Variants in ABI3BP observed in about 807,000 individuals in gnomAD.
The protein encoded by ABI3BP is ABI family member 3 binding protein, also known as target of Nesh-SH3.
Under a neutral mutation model 268.6 loss-of-function variants are expected in ABI3BP, and 216 were observed. That is an observed-to-expected ratio of 0.80 (90% CI 0.72 to 0.90). ABI3BP has a LOEUF of 0.90. Ranked by LOEUF, ABI3BP falls within the 40% of genes least tolerant of loss-of-function variation. The probability of loss-of-function intolerance (pLI) is 0.00; values close to 1 mark genes in which losing one functional copy is unlikely to be tolerated. For missense variants in ABI3BP, 2,090 were observed against 2,182.4 expected (o/e 0.96, Z 0.84); for synonymous variants, 730 against 730.0 (o/e 1.00, Z 0.00).
At chr3:100,800,634 T>A (rs912984255) in intron 51 of ABI3BP, among the ~76,000 whole-genome samples, 3 of 152,082 alleles carry the variant, frequency 2.0e-5, no homozygotes, top group African/African-American at 7.2e-5. Context: ...TGTGCCACCA[T>A]GCCCGGCTAA....
At chr3:100,836,015 C>A (rs965911112) in intron 27 of ABI3BP, among the ~76,000 whole-genome samples, 1 of 151,966 alleles carries the variant, frequency 6.6e-6, no homozygotes, top group Admixed American at 6.6e-5. Flanking sequence ...AAGTTTTCAC[C>A]ACCATTATTA....
chr3:100,834,632 C>T, intron 29 of ABI3BP, 52 bp downstream of exon 29: 1 of 1,502,378 alleles, frequency 6.7e-7, no homozygotes. Context: ...CTGCCACCCC[C>T]ATGCCACATC....
intron 18 of ABI3BP, among the ~76,000 whole-genome samples, chr3:100,848,271 C>T (rs769943880): frequency 6.6e-6 from 1 of 152,068 alleles, no homozygotes; most frequent in African/African-American, 2.4e-5. Flanking sequence ...AATAAACATG[C>T]ACACCAAAAA....
chr3:100,779,516 CT>C (rs1192538902), intron 58 of ABI3BP, among the ~76,000 whole-genome samples: 1 of 152,022 alleles, frequency 6.6e-6, no homozygotes, highest in Admixed American at 6.6e-5. Context: ...CAATTTATAT[CT>C]TTTTTTGGCA....
Position 100,848,795 on chromosome 3 carries a change from A to G in ABI3BP, c.1576+6T>C, listed in dbSNP as rs1268909048. ...ACATATCATGTAAATATAAAGAGAC[A>G]TTTACCAGGTTTGGTTCTTGGCGGT... On this transcript the variant is annotated splice_donor_region_variant and intron_variant, in intron 18 of 67. Transcript: ENST00000471714. 1 of 1,608,840 alleles carries G rather than the reference A, an allele frequency of 6.2e-7. No homozygotes were observed. The highest frequency in any genetic ancestry group is 2.2e-5 in the East Asian group (1 of 44,824).
chr3:100,938,454 G>A (rs2067282709), intron 1 of ABI3BP, among the ~76,000 whole-genome samples: 1 of 151,980 alleles, frequency 6.6e-6, no homozygotes. Context: ...GTATTAAAAG[G>A]AAAAAACCAT....
chr3:100,973,336 A>G (rs2084611232), intron 1 of ABI3BP, among the ~76,000 whole-genome samples: 1 of 152,082 alleles, frequency 6.6e-6, no homozygotes, highest in East Asian at 1.9e-4. Context: ...CAGGAATCCA[A>G]CTCCATATTT....
At chr3:100,977,519 G>C (rs555749211) in intron 1 of ABI3BP, among the ~76,000 whole-genome samples, 1 of 152,296 alleles carries the variant, frequency 6.6e-6, no homozygotes, top group South Asian at 2.1e-4. Flanking sequence ...GCTGGATATA[G>C]GCACGAAATC....
intron 33 of ABI3BP, among the ~76,000 whole-genome samples, chr3:100,829,139 T>TAAA (rs201153906): frequency 5.5e-5 from 7 of 127,726 alleles, no homozygotes; most frequent in South Asian, 2.3e-4. Flanking sequence ...TAAGTGGTTG[T>TAAA]TAAAAAAAAA....
rs2041887775 is a variant in ABI3BP at position 100,886,125 on chromosome 3, C to T, written c.643+17G>A. Reference sequence around the variant, plus strand: ...AATTATAAAAGCTTACTGAAACAAACATTTCTAGGTACTTACTTCCAACAA... The same window carrying T: ...AATTATAAAAGCTTACTGAAACAAATATTTCTAGGTACTTACTTCCAACAA... On this transcript the variant is annotated intron_variant, in intron 5 of 67. Coordinates refer to ENST00000471714, the MANE Select transcript of ABI3BP (RefSeq NM_001375547.2). 5 of 1,532,416 alleles carry T rather than the reference C, an allele frequency of 3.3e-6. No homozygotes were observed. The highest frequency in any genetic ancestry group is 1.4e-5 in the African/African-American group (1 of 70,900). The allele number at this position is 1,532,416 out of a possible 1,614,324, so 94.9% of individuals were successfully genotyped here.
chr3:100,794,830 GA>G, intron 54 of ABI3BP, 92 bp downstream of exon 54: 9 of 909,910 alleles, frequency 9.9e-6, no homozygotes, highest in Non-Finnish European at 1.5e-5. Context: ...CTATTATTTA[GA>G]AAAAATCTGT....
intron 66 of ABI3BP, among the ~76,000 whole-genome samples, chr3:100,752,221 G>A (rs2095372209): frequency 6.6e-6 from 1 of 152,180 alleles, no homozygotes; most frequent in African/African-American, 2.4e-5. Flanking sequence ...TACTAAGGAA[G>A]GGAAGGAGAG....
At chr3:100,801,320 T>C (rs1418435147) in intron 51 of ABI3BP, among the ~76,000 whole-genome samples, 1 of 150,142 alleles carries the variant, frequency 6.7e-6, no homozygotes, top group Non-Finnish European at 1.5e-5. Flanking sequence ...CCCAGCTACT[T>C]GGGAGGCTGA....
Position 100,752,814 on chromosome 3 carries a change from T to C in ABI3BP, c.5095A>G (p.Lys1699Glu), listed in dbSNP as rs756119491. The C allele has an allele frequency of 6.2e-7, 1 of 1,613,282 alleles. No homozygotes were observed. Among genetic ancestry groups the C allele is most frequent in the African/African-American group, 1.3e-5 (1 of 74,922 alleles). Residue 1699 changes from lysine to glutamate, a missense_variant, in exon 66 of 68, where the codon AAG (lysine) becomes GAG (glutamate). Lys to Glu is a moderately conservative substitution (Grantham distance 56). Coordinates refer to ENST00000471714, the MANE Select transcript of ABI3BP (RefSeq NM_001375547.2). ...GTGAGGGAGTCGCTCAAGTAAATCT[T>C]GTATCTGAGAGAGTTGCACAGCTGC... ...GVQLCNSLRY[K>E]IYLSDSLTGK...
In ABI3BP at chr3:100,805,745, C is replaced by G. The variant is rs531473903; in HGVS notation, c.3683-879G>C. Among the ~76,000 whole-genome samples, 4 of 152,128 alleles carry G rather than the reference C, an allele frequency of 2.6e-5. No homozygotes were observed. In the East Asian group the frequency reaches 7.7e-4, roughly 29 times the overall value. ...CACTTGGGATCTCTATATCCCAGTT[C>G]TGCAGGTCAGATTTTAAGTTGCTTC... On this transcript the variant is annotated intron_variant, in intron 50 of 67. Coordinates refer to ENST00000471714, the MANE Select transcript of ABI3BP (RefSeq NM_001375547.2).
chr3:100,975,878 T>G (rs1441168943), intron 1 of ABI3BP, among the ~76,000 whole-genome samples: 1 of 152,088 alleles, frequency 6.6e-6, no homozygotes, highest in Non-Finnish European at 1.5e-5. Context: ...GAGGCACTAA[T>G]CAGAAGACTC....
chr3:100,990,231 A>T (rs1243581414), intron 1 of ABI3BP, among the ~76,000 whole-genome samples: 1 of 152,162 alleles, frequency 6.6e-6, no homozygotes, highest in Non-Finnish European at 1.5e-5. Flanking sequence ...TTCAACATTG[A>T]TCCCCTTTTC....
intron 1 of ABI3BP, among the ~76,000 whole-genome samples, chr3:100,932,832 C>T (rs2064154994): frequency 6.6e-6 from 1 of 152,160 alleles, no homozygotes; most frequent in Non-Finnish European, 1.5e-5. Context: ...TTCAACCCAG[C>T]AATCCCATTA....
chr3:100,957,383 T>G (rs938250714), intron 1 of ABI3BP, among the ~76,000 whole-genome samples: 1 of 152,318 alleles, frequency 6.6e-6, no homozygotes, highest in Middle Eastern at 3.4e-3. Flanking sequence ...TAGAGGAATT[T>G]AGAAGCTAGA....
Sources: gnomAD v4.1 joint callset for allele counts (sites outside exome capture counted in the v4.1 genomes callset) on GRCh38, gnomAD v4.1.1 for gene constraint, MANE v1.5 for transcripts, NCBI Gene and HGNC (gene_info 2026-07-23, HGNC 2026-07-21) for gene names.